Variants in VIPAS39 observed in about 807,000 individuals in gnomAD.
VIPAS39 encodes spermatogenesis-defective protein 39 homolog.
A neutral mutation model predicts 84.7 loss-of-function variants in VIPAS39; 63 were observed. The observed-to-expected ratio is 0.74, with a 90% CI of 0.61 to 0.92. VIPAS39 has a LOEUF of 0.92. VIPAS39 is among the 40% of genes least tolerant of loss of function. The pLI is 0.00. For synonymous variants in VIPAS39, 192 were observed against 216.5 expected (o/e 0.89, Z 0.99); for missense variants, 499 against 604.5 (o/e 0.83, Z 1.83).
In VIPAS39 at chr14:77,442,595, T is replaced by G; in HGVS notation, c.699A>C (p.Glu233Asp). Reference sequence around the variant, plus strand: ...CTAAAAGCAACTTTTGATCCCCTATTTCCTTAAGGAAGTGAATAAGATGTC... The same window carrying G: ...CTAAAAGCAACTTTTGATCCCCTATGTCCTTAAGGAAGTGAATAAGATGTC... ...ALRHLIHFLK[E>D]IGDQKLLLDL... The change falls in exon 10 of 20, where the codon GAA (glutamate) becomes GAC (aspartate). Residue 233 changes from glutamate (E) to aspartate (D), a missense_variant. By Grantham distance (45) the Glu-to-Asp change is conservative. Coordinates refer to ENST00000557658, the MANE Select transcript of VIPAS39 (RefSeq NM_001193315.2). 1 of 1,614,198 alleles carries G rather than the reference T, an allele frequency of 6.2e-7. No homozygotes were observed. The highest frequency in any genetic ancestry group is 8.5e-7 in the Non-Finnish European group (1 of 1,180,036).
intron 1 of VIPAS39, among the ~76,000 whole-genome samples, chr14:77,456,412 T>C (rs2078960955): frequency 6.6e-6 from 1 of 152,188 alleles, no homozygotes; most frequent in South Asian, 2.1e-4. Context: ...ATAGAACATA[T>C]AAATGTCTCT....
rs376174207 is a variant in VIPAS39 at position 77,453,371 on chromosome 14, G to A, written c.124C>T (p.Leu42Phe). The A allele has an allele frequency of 4.3e-6, 7 of 1,613,964 alleles. No individual in the cohort carries two copies. The highest frequency in any genetic ancestry group is 1.3e-5 in the African/African-American group (1 of 74,874). The change falls in exon 3 of 20, where the codon CTC (leucine) becomes TTC (phenylalanine). Residue 42 changes from leucine (L) to phenylalanine (F), a missense_variant. Leu to Phe is a conservative substitution (Grantham distance 22). Coordinates refer to ENST00000557658, the MANE Select transcript of VIPAS39 (RefSeq NM_001193315.2). ...TCATCATCATCCACGAAGTCTCGGA[G>A]GCTGTTCACCGCCCGCTTGGACTCC... Reference protein sequence around the residue: ...LKESKRAVNSLRDFVDDDDDD... With the variant: ...LKESKRAVNSFRDFVDDDDDD...
chr14:77,433,906 G>C lies in VIPAS39; in HGVS notation c.1115C>G (p.Thr372Arg), dbSNP rs2078563923. 1 of 1,613,926 alleles carries C rather than the reference G, an allele frequency of 6.2e-7. No homozygotes were observed. The highest frequency in any genetic ancestry group is 8.5e-7 in the Non-Finnish European group (1 of 1,179,972). The change falls in exon 16 of 20, where the codon ACA becomes AGA. Residue 372 changes from threonine to arginine, a missense_variant. Thr to Arg is a moderately conservative substitution (Grantham distance 71). Transcript: ENST00000557658. ...AAGCTTGGCACGAGCAGCCAGGGCT[G>C]TCAGCACATACTGTTTATCTGGGAT... is the stretch of plus-strand genomic sequence containing the variant. ...FKIPDKQYVL[T>R]ALAARAKLRA...
At position 77,429,691 on chromosome 14, in the gene VIPAS39, G is replaced by A. The variant is rs776285844; in HGVS notation, c.1256C>T (p.Ala419Val). ...TTCAGGACCCATTACCTGCACAGGG[G>A]CATTGTTCTTGTGCAAAATTTCGAC... ...RVVEILHKNN[A>V]PVQILQEYVN... Residue 419 changes from alanine to valine, a missense_variant, in exon 17 of 20, where the codon GCC becomes GTC. Transcript: ENST00000557658. 4 of 1,614,136 alleles carry A rather than the reference G, an allele frequency of 2.5e-6. No individual in the cohort carries two copies. The highest frequency in any genetic ancestry group is 3.3e-5 in the Admixed American group (2 of 60,026).
In VIPAS39 at chr14:77,449,696, A is replaced by C; in HGVS notation, c.382+18T>G. The C allele has an allele frequency of 6.2e-7, 1 of 1,614,158 alleles. No homozygotes were observed. The highest frequency in any genetic ancestry group is 8.5e-7 in the Non-Finnish European group (1 of 1,180,002). ...AGTAACATTTCCCACAGCAATTAAA[A>C]GAGGGTTCAATGCCTACCATCAGAA... On this transcript the variant is annotated intron_variant, in intron 5 of 19. Transcript: ENST00000557658.
At chr14:77,450,206 G>A (rs1198265095) in intron 4 of VIPAS39, among the ~76,000 whole-genome samples, 3 of 152,100 alleles carry the variant, frequency 2.0e-5, no homozygotes, top group Admixed American at 6.5e-5. Flanking sequence ...TAGGTCATAC[G>A]TAAATGGAGT....
rs537925244 is a variant in VIPAS39, at chr14:77,434,401, T to C, written c.1048-98A>G. The C allele has an allele frequency of 4.7e-4, 513 of 1,081,642 alleles. 1 individual carries two copies. Among genetic ancestry groups the C allele is most frequent in the Non-Finnish European group, 6.0e-4 (420 of 702,474 alleles). The allele number at this position is 1,081,642 out of a possible 1,614,324, so 67.0% of individuals were successfully genotyped here. On this transcript the variant is annotated intron_variant, in intron 14 of 19. Transcript: ENST00000557658. ...TCCCACTACAGAGACTTTCTACATC[T>C]TACTCTGCTGCCATTTAAACATAGA...
rs376495206 is a variant in VIPAS39 at position 77,441,298 on chromosome 14, C to A, written c.735-205G>T. Reference sequence around the variant, plus strand: ...AAGGACAAGAAGGTACTGCAAGGAACTAATAACTTTGTTAACAGTTCTGAC... The same window carrying A: ...AAGGACAAGAAGGTACTGCAAGGAAATAATAACTTTGTTAACAGTTCTGAC... On this transcript the variant is annotated intron_variant, in intron 10 of 19. Coordinates refer to ENST00000557658, the MANE Select transcript of VIPAS39 (RefSeq NM_001193315.2). The A allele has an allele frequency of 7.2e-6, 4 of 555,744 alleles. No homozygotes were observed. In the East Asian group the frequency reaches 1.0e-4, roughly 15 times the overall value. The allele number at this position is 555,744 out of a possible 1,614,324, so 34.4% of individuals were successfully genotyped here.
chr14:77,435,510 G>T, intron 13 of VIPAS39, 117 bp from the exon 14 acceptor site: 1 of 1,403,422 alleles, frequency 7.1e-7, no homozygotes, highest in Non-Finnish European at 9.6e-7. Flanking sequence ...GAGAAACAAA[G>T]AACAGAAAAA....
At chr14:77,443,062 C>T (rs1223971686) in intron 9 of VIPAS39, 57 bp downstream of exon 9, 1 of 1,608,082 alleles carries the variant, frequency 6.2e-7, no homozygotes, top group African/African-American at 1.3e-5. Flanking sequence ...ATGGCATTCT[C>T]CCCTCGAATG....
At chr14:77,455,266 T>C (rs1244803773) in intron 1 of VIPAS39, among the ~76,000 whole-genome samples, 1 of 152,166 alleles carries the variant, frequency 6.6e-6, no homozygotes, top group Non-Finnish European at 1.5e-5. Context: ...GAGGATCACC[T>C]GAGCCCAAGT....
intron 4 of VIPAS39, among the ~76,000 whole-genome samples, chr14:77,450,326 A>G (rs1236418930): frequency 6.6e-6 from 1 of 152,166 alleles, no homozygotes; most frequent in Non-Finnish European, 1.5e-5. Context: ...GCTGAGTAAC[A>G]TTCCGCTGCA....
At chr14:77,440,988 G>A in intron 11 of VIPAS39, 78 bp downstream of exon 11, 4 of 1,578,954 alleles carry the variant, frequency 2.5e-6, no homozygotes, top group Non-Finnish European at 3.5e-6. Flanking sequence ...AAAGTGCTGG[G>A]ATTACAGGCG....
intron 16 of VIPAS39, among the ~76,000 whole-genome samples, chr14:77,430,250 A>G (rs2078499823): frequency 6.6e-6 from 1 of 152,222 alleles, no homozygotes; most frequent in Non-Finnish European, 1.5e-5. Context: ...ACAGTGTTTG[A>G]TTTTGACAAC....
chr14:77,428,311 C>A lies in VIPAS39; in HGVS notation c.1461+59G>T. ...AGACCTTGGGAACATACATTTGGTA[C>A]TATTTTGTGAACTGTCTGTCTCCTG... On this transcript the variant is annotated intron_variant, in intron 19 of 19. Coordinates refer to ENST00000557658, the MANE Select transcript of VIPAS39 (RefSeq NM_001193315.2). The A allele has an allele frequency of 2.0e-6, 3 of 1,481,548 alleles. No individual in the cohort carries two copies. In the South Asian group the frequency reaches 3.4e-5, roughly 17 times the overall value. 91.8% of individuals were successfully genotyped at this position (1,481,548 alleles called of 1,614,324 possible).
intron 10 of VIPAS39, 92 bp from the exon 11 acceptor site, chr14:77,441,185 A>G: frequency 1.4e-6 from 2 of 1,383,660 alleles, no homozygotes; most frequent in South Asian, 2.3e-5. Context: ...TAGGAGAAAC[A>G]CAATTCAAAC....
At chr14:77,440,391 A>C (rs1395710110) in intron 11 of VIPAS39, 3 of 153,028 alleles carry the variant, frequency 2.0e-5, no homozygotes, top group African/African-American at 7.2e-5. Context: ...TGTATCATCA[A>C]CTTGACCTAT....
At chr14:77,443,412 A>G (rs2078733778) in intron 8 of VIPAS39, among the ~76,000 whole-genome samples, 1 of 152,186 alleles carries the variant, frequency 6.6e-6, no homozygotes, top group Admixed American at 6.5e-5. Flanking sequence ...ATTGTTTTAT[A>G]TAACACATAG....
At chr14:77,449,854 T>C (rs914867475) in intron 4 of VIPAS39, 102 bp from the exon 5 acceptor site, 91 of 1,329,732 alleles carry the variant, frequency 6.8e-5, no homozygotes, top group Non-Finnish European at 9.7e-5. Flanking sequence ...TAACGCAATA[T>C]AGGAACTTAA....
Sources: allele counts gnomAD v4.1 joint callset (sites outside exome capture counted in the v4.1 genomes callset), GRCh38; gene constraint gnomAD v4.1.1; transcripts MANE v1.5; gene names NCBI Gene and HGNC (gene_info 2026-07-23, HGNC 2026-07-21).